Variants in BRIX1 observed in about 807,000 individuals in gnomAD.
BRIX1 encodes the protein biogenesis of ribosomes BRX1.
A neutral mutation model predicts 44.0 loss-of-function variants in BRIX1; 15 were observed. That is an observed-to-expected ratio of 0.34 (90% CI 0.23 to 0.53). The LOEUF is 0.53. BRIX1 is among the 20% of genes least tolerant of loss of function. BRIX1 has a pLI of 0.95. For missense variants in BRIX1, 420 were observed against 432.8 expected, an observed-to-expected ratio of 0.97 and a Z score of 0.26; for synonymous variants, 149 against 135.4, an observed-to-expected ratio of 1.10 and a Z score of -0.70.
chr5:34,922,924 G>A (rs944112395), intron 6 of BRIX1, 77 bp from the exon 7 acceptor site: 18 of 1,267,724 alleles, frequency 1.4e-5, no homozygotes, highest in Admixed American at 3.8e-5. Flanking sequence ...TTATAGCCAA[G>A]TTATAGAAAC....
chr5:34,917,851 A>C (rs1407707523), intron 1 of BRIX1, among the ~76,000 whole-genome samples: 1 of 152,178 alleles, frequency 6.6e-6, no homozygotes, highest in Admixed American at 6.6e-5. Flanking sequence ...GGGCTAAGAA[A>C]GAACTTTTAG....
chr5:34,925,549 A>G lies in BRIX1; in HGVS notation c.*54A>G. 2 of 1,473,494 alleles carry G rather than the reference A, an allele frequency of 1.4e-6. No homozygotes were observed. The highest frequency in any genetic ancestry group is 1.8e-6 in the Non-Finnish European group (2 of 1,085,772). The allele number at this position is 1,473,494 out of a possible 1,614,324, so 91.3% of individuals were successfully genotyped here. On this transcript the variant is annotated 3_prime_UTR_variant, in exon 10 of 10. Transcript: ENST00000336767. ...TTACTTTATATTTATTTTGTATTCA[A>G]TGTGTAAATACTTTTATTATCTAAT...
rs1029936181 is a variant in BRIX1 at position 34,925,635 on chromosome 5, A to G, written c.*140A>G. On this transcript the variant is annotated 3_prime_UTR_variant, in exon 10 of 10. Transcript: ENST00000336767. ...AAAGAAAAATTAAGATCTTAAAATC[A>G]GTGATTATCTTTTTCTAAATAAAAT... is the stretch of plus-strand genomic sequence containing the variant. The G allele has an allele frequency of 4.5e-6, 3 of 660,098 alleles. No homozygotes were observed. Among genetic ancestry groups the G allele is most frequent in the Non-Finnish European group, 7.1e-6 (3 of 420,532 alleles). 40.9% of individuals were successfully genotyped at this position (660,098 alleles called of 1,614,324 possible).
chr5:34,925,593 A>AAAT lies in BRIX1; in HGVS notation c.*98_*99insAAT. On this transcript the variant is annotated 3_prime_UTR_variant, in exon 10 of 10. Transcript: ENST00000336767. ...ATCTAATACTATCTTACGTCTAATT[A>AAAT]GTGTAGCATTTACAAGAAAGAAAAA... 9.9e-7 allele frequency: 1 copy of AAAT among 1,013,086 alleles called. No individual in the cohort carries two copies. The highest frequency in any genetic ancestry group is 1.4e-6 in the Non-Finnish European group (1 of 724,630). 62.8% of individuals were successfully genotyped at this position (1,013,086 alleles called of 1,614,324 possible).
intron 8 of BRIX1, 41 bp downstream of exon 8, chr5:34,923,275 T>A: frequency 7.1e-7 from 1 of 1,399,630 alleles, no homozygotes; most frequent in Non-Finnish European, 1.0e-6. Flanking sequence ...TTTTTTTAAT[T>A]GAGTTTATTT....
At chr5:34,922,654 A>C in intron 5 of BRIX1, 41 bp from the exon 6 acceptor site, 1 of 1,594,600 alleles carries the variant, frequency 6.3e-7, no homozygotes, top group Non-Finnish European at 8.6e-7. Context: ...ATAGTTGTGC[A>C]AAAGTTACAA....
chr5:34,919,206 T>G (rs188962218), intron 2 of BRIX1, among the ~76,000 whole-genome samples: 177 of 147,444 alleles, frequency 1.2e-3, no homozygotes, highest in African/African-American at 4.3e-3. Context: ...AGCCCAGGAG[T>G]TCAAGGCTGT....
chr5:34,924,317 A>T (rs1764305724), intron 8 of BRIX1, among the ~76,000 whole-genome samples: 3 of 152,366 alleles, frequency 2.0e-5, no homozygotes, highest in Admixed American at 2.0e-4. Flanking sequence ...TGAACACATC[A>T]TCCTAACCTC....
chr5:34,925,089 C>T, intron 9 of BRIX1, 114 bp downstream of exon 9: 4 of 1,462,182 alleles, frequency 2.7e-6, no homozygotes, highest in Non-Finnish European at 3.6e-6. Flanking sequence ...GTTTTTGCTG[C>T]ATAGAAACTT....
chr5:34,922,230 A>G lies in BRIX1; in HGVS notation c.329A>G (p.Lys110Arg). The part of the protein sequence containing the change: ...LFVINEVCEM[K>R]NCNKCIYFEA... ...TGCTTCCTTTAGGTTTGTGAAATGA[A>G]GAACTGTAATAAATGCATCTATTTT... The change falls in exon 4 of 10, where the codon AAG (lysine) becomes AGG (arginine). Residue 110 changes from lysine (K) to arginine (R), a missense_variant. Transcript: ENST00000336767. 6.3e-7 allele frequency: 1 copy of G among 1,579,174 alleles called. No individual in the cohort carries two copies. Among genetic ancestry groups the G allele is most frequent in the Non-Finnish European group, 8.7e-7 (1 of 1,153,460 alleles).
At chr5:34,916,267 CA>C (rs1395409883) in intron 1 of BRIX1, 6 of 163,366 alleles carry the variant, frequency 3.7e-5, no homozygotes, top group Non-Finnish European at 8.0e-5. Context: ...TTAGTATGCC[CA>C]TATACTGCCA....
chr5:34,925,750 G>A lies in BRIX1; in HGVS notation c.*255G>A. The A allele has an allele frequency of 2.9e-6, 1 of 339,994 alleles. No individual in the cohort carries two copies. Among genetic ancestry groups the A allele is most frequent in the Non-Finnish European group, 5.2e-6 (1 of 191,568 alleles). 21.1% of individuals were successfully genotyped at this position (339,994 alleles called of 1,614,324 possible). A position where few individuals can be genotyped will look rare whatever the true frequency, so the allele number is the denominator to read the frequency against. On this transcript the variant is annotated 3_prime_UTR_variant, in exon 10 of 10. Coordinates refer to ENST00000336767, the MANE Select transcript of BRIX1 (RefSeq NM_018321.4). ...ACACTTAATGTAGCCTGTTCTCTTG[G>A]GTTGGAATTTTTGGTTTAGCAAAGC...
rs1194190079 is a variant in BRIX1, at chr5:34,922,772, A to C, written c.510+4A>C. 1.6e-5 allele frequency: 26 copies of C among 1,613,110 alleles called. No individual in the cohort carries two copies. The Admixed American group carries it at 4.2e-4, about 26-fold the overall frequency. Reference sequence around the variant, plus strand: ...GCCCCTTTTGTCTTTTGACCCTGTAAGTTTCTCATTCAGTGTATGAGGTCT... The same window carrying C: ...GCCCCTTTTGTCTTTTGACCCTGTACGTTTCTCATTCAGTGTATGAGGTCT... On this transcript the variant is annotated splice_donor_region_variant and intron_variant, in intron 6 of 9. Transcript: ENST00000336767.
At chr5:34,925,077 T>C in intron 9 of BRIX1, 102 bp downstream of exon 9, 3 of 1,478,358 alleles carry the variant, frequency 2.0e-6, no homozygotes, top group Non-Finnish European at 2.7e-6. Context: ...AAACTGAATT[T>C]GGTTTTTGCT....
At chr5:34,918,770 A>T (rs1006808105) in intron 2 of BRIX1, 24 of 192,218 alleles carry the variant, frequency 1.2e-4, no homozygotes, top group African/African-American at 2.2e-4. Flanking sequence ...GATAGGTGGG[A>T]TGGTTTGTCC....
chr5:34,917,595 G>A (rs41270659), intron 1 of BRIX1, among the ~76,000 whole-genome samples: 3 of 152,030 alleles, frequency 2.0e-5, no homozygotes, highest in African/African-American at 7.2e-5. Context: ...AGCCGAGATC[G>A]CGCCACTGCA....
intron 3 of BRIX1, chr5:34,920,176 C>G (rs922468378): frequency 1.6e-5 from 3 of 189,632 alleles, no homozygotes; most frequent in Non-Finnish European, 3.2e-5. Context: ...AGTAGGTACT[C>G]AAAAAATTAT....
At chr5:34,923,830 G>A (rs1039800300) in intron 8 of BRIX1, among the ~76,000 whole-genome samples, 4 of 152,148 alleles carry the variant, frequency 2.6e-5, no homozygotes, top group African/African-American at 4.8e-5. Context: ...ACTATGTACT[G>A]TCTTATATCT....
rs1257801028 is a variant in BRIX1, at chr5:34,922,576, C to A, written c.424C>A (p.Leu142Ile). The change falls in exon 5 of 10, where the codon CTT (leucine) becomes ATT (isoleucine). Residue 142 changes from leucine to isoleucine, a missense_variant. Leu to Ile is a conservative substitution (Grantham distance 5). Coordinates refer to ENST00000336767, the MANE Select transcript of BRIX1 (RefSeq NM_018321.4). Reference sequence around the variant, plus strand: ...ACCTCACGGACCATCTGCTAAATTCCTTGTTCAAAATAGTAAGTTGACTCA... The same window carrying A: ...ACCTCACGGACCATCTGCTAAATTCATTGTTCAAAATAGTAAGTTGACTCA... ...NSPHGPSAKF[L>I]VQNIHTLAEL... The A allele has an allele frequency of 1.9e-6, 3 of 1,608,600 alleles. No homozygotes were observed. The highest frequency in any genetic ancestry group is 1.3e-5 in the African/African-American group (1 of 74,812).
Sources: allele counts gnomAD v4.1 joint callset (sites outside exome capture counted in the v4.1 genomes callset), GRCh38; gene constraint gnomAD v4.1.1; transcripts MANE v1.5; gene names NCBI Gene and HGNC (gene_info 2026-07-23, HGNC 2026-07-21).